The following ZNF521 variants were observed in gnomAD, a reference collection of about 807,000 sequenced individuals.
The protein encoded by ZNF521 is LYST-interacting protein 3.
Under a neutral mutation model 105.5 loss-of-function variants are expected in ZNF521, and 14 were observed. The ratio of observed to expected loss-of-function variants is 0.13; its 90% CI spans 0.09 to 0.21. ZNF521 has a LOEUF of 0.21. ZNF521 is among the 10% of genes least tolerant of loss of function. The pLI is 1.00. For synonymous variants in ZNF521, 635 were observed against 606.0 expected (o/e 1.05, Z -0.70); for missense variants, 1,233 against 1,629.7 (o/e 0.76, Z 4.19).
At chr18:25,116,888 C>CATGT (rs2034318463) in intron 5 of ZNF521, among the ~76,000 whole-genome samples, 2 of 133,986 alleles carry the variant, frequency 1.5e-5, no homozygotes, top group South Asian at 2.4e-4. Context: ...TATATATATA[C>CATGT]GTATATATAT....
At chr18:25,268,981 T>C (rs149758317) in intron 3 of ZNF521, among the ~76,000 whole-genome samples, 3,906 of 151,734 alleles carry the variant, frequency 0.026, 158 homozygotes, top group African/African-American at 0.087. Flanking sequence ...AGACACAGAC[T>C]AGCAAATTGG....
At chr18:25,328,215 T>C (rs1390957463) in intron 2 of ZNF521, among the ~76,000 whole-genome samples, 87 of 152,216 alleles carry the variant, frequency 5.7e-4, no homozygotes, top group Non-Finnish European at 1.5e-5. Flanking sequence ...TGTTGAAGTT[T>C]AGACTTTCTG....
chr18:25,077,788 CTG>C (rs1316614213), intron 7 of ZNF521, among the ~76,000 whole-genome samples: 1 of 151,812 alleles, frequency 6.6e-6, no homozygotes, highest in African/African-American at 2.4e-5. Context: ...CAGAGGGCCT[CTG>C]TGTGAATATT....
chr18:25,257,529 A>T (rs887951471), intron 3 of ZNF521, among the ~76,000 whole-genome samples: 1 of 152,178 alleles, frequency 6.6e-6, no homozygotes, highest in Non-Finnish European at 1.5e-5. Flanking sequence ...CTAATATTCT[A>T]TGACTGTCTC....
chr18:25,286,310 C>T (rs1910703695), intron 3 of ZNF521, among the ~76,000 whole-genome samples: 1 of 152,136 alleles, frequency 6.6e-6, no homozygotes, highest in African/African-American at 2.4e-5. Flanking sequence ...TGATGGGGCT[C>T]AAGAAGCTCT....
chr18:25,201,662 GGAC>G (rs1234861990), intron 4 of ZNF521: 1 of 152,146 alleles, frequency 6.6e-6, no homozygotes, highest in Non-Finnish European at 1.5e-5. Context: ...TTTTAAGGAA[GGAC>G]GAGTGTCAGA....
chr18:25,335,418 ACT>A (rs1344810340), intron 2 of ZNF521, among the ~76,000 whole-genome samples: 2 of 151,904 alleles, frequency 1.3e-5, no homozygotes, highest in African/African-American at 2.4e-5. Context: ...TCCTCAAAAC[ACT>A]CTGTACCTCG....
chr18:25,285,696 T>TCACACA (rs200391723), intron 3 of ZNF521, among the ~76,000 whole-genome samples: 3 of 127,108 alleles, frequency 2.4e-5, no homozygotes, highest in East Asian at 5.1e-4. Context: ...TCTCTCTCTC[T>TCACACA]CTCACACACA....
intron 5 of ZNF521, among the ~76,000 whole-genome samples, chr18:25,180,865 GC>G (rs2035620645): frequency 6.7e-6 from 1 of 149,952 alleles, no homozygotes; most frequent in South Asian, 2.1e-4. Flanking sequence ...AACAACAACA[GC>G]AACAGCAGCA....
intron 5 of ZNF521, among the ~76,000 whole-genome samples, chr18:25,122,248 A>G (rs2034457717): frequency 6.6e-6 from 1 of 152,170 alleles, no homozygotes; most frequent in African/African-American, 2.4e-5. Flanking sequence ...AATGAAACAG[A>G]GAGACAAGGT....
chr18:25,154,473 G>T (rs1461988014), intron 5 of ZNF521, among the ~76,000 whole-genome samples: 1 of 152,152 alleles, frequency 6.6e-6, no homozygotes, highest in African/African-American at 2.4e-5. Flanking sequence ...AGGGGTGAAG[G>T]AAAAGAGGCA....
intron 4 of ZNF521, among the ~76,000 whole-genome samples, chr18:25,217,659 C>T (rs981701214): frequency 6.6e-6 from 1 of 152,106 alleles, no homozygotes; most frequent in Non-Finnish European, 1.5e-5. Flanking sequence ...GGCATGATAC[C>T]CATGCAGTGA....
chr18:25,092,322 T>C (rs2033763660), intron 5 of ZNF521, among the ~76,000 whole-genome samples: 1 of 152,226 alleles, frequency 6.6e-6, no homozygotes, highest in Admixed American at 6.5e-5. Context: ...TAATGCATTT[T>C]ATTACACTTT....
chr18:25,336,712 CA>C (rs1568085832), intron 2 of ZNF521, among the ~76,000 whole-genome samples: 2 of 152,150 alleles, frequency 1.3e-5, no homozygotes, highest in South Asian at 2.1e-4. Flanking sequence ...CTCTAGCCCC[CA>C]CAAAACAGGC....
At chr18:25,148,507 C>T (rs1233234382) in intron 5 of ZNF521, among the ~76,000 whole-genome samples, 2 of 152,118 alleles carry the variant, frequency 1.3e-5, no homozygotes, top group Non-Finnish European at 2.9e-5. Flanking sequence ...CCATTCCTCC[C>T]TTCCTGCTTT....
At chr18:25,142,302 C>G (rs2034864332) in intron 5 of ZNF521, among the ~76,000 whole-genome samples, 1 of 152,116 alleles carries the variant, frequency 6.6e-6, no homozygotes. Context: ...AGGCATAGCA[C>G]CTGGGTTATT....
rs150268994 is a variant in ZNF521, at chr18:25,105,847, G to T, written c.3659-13766C>A. ...GGTCCCTATGCCCAGGAAGATAGGA[G>T]ATCATCCATCTACTTGTGTTGATAA... On this transcript the variant is annotated intron_variant, in intron 5 of 7. Transcript: ENST00000361524. Among the ~76,000 whole-genome samples the T allele has an allele frequency of 3.2e-3, 481 of 152,292 alleles. 8 individuals are homozygous for T. Among genetic ancestry groups the T allele is most frequent in the Admixed American group, 0.027 (413 of 15,294 alleles).
rs2033155416 is a variant in ZNF521 at position 25,069,278 on chromosome 18, C to T, written c.3907-6537G>A. On this transcript the variant is annotated intron_variant, in intron 7 of 7. Transcript: ENST00000361524. Reference sequence around the variant, plus strand: ...TGTATACAGCTAATGATGACAGGATCCTGGGTTATTTCCCCTGAACGTTAA... The same window carrying T: ...TGTATACAGCTAATGATGACAGGATTCTGGGTTATTTCCCCTGAACGTTAA... 3.9e-5 allele frequency among the ~76,000 whole-genome samples: 6 copies of T among 152,062 alleles called. No homozygotes were observed. In the South Asian group the frequency reaches 1.2e-3, roughly 32 times the overall value.
intron 5 of ZNF521, among the ~76,000 whole-genome samples, chr18:25,106,055 A>G (rs550894886): frequency 6.6e-6 from 1 of 152,228 alleles, no homozygotes; most frequent in Non-Finnish European, 1.5e-5. Context: ...TCAAGATTTA[A>G]TTTAAAACTT....
Sources: gnomAD v4.1 joint callset for allele counts (sites outside exome capture counted in the v4.1 genomes callset) on GRCh38, gnomAD v4.1.1 for gene constraint, MANE v1.5 for transcripts, NCBI Gene and HGNC (gene_info 2026-07-23, HGNC 2026-07-21) for gene names.